RCBTB1: variants seen among roughly 807,000 people sequenced by gnomAD.
The protein encoded by RCBTB1 is RCC1 and BTB domain-containing protein 1.
In RCBTB1, 46 loss-of-function variants were observed where a neutral mutation model predicts 62.4. The ratio of observed to expected loss-of-function variants is 0.74; its 90% CI spans 0.58 to 0.94. RCBTB1 has a LOEUF of 0.94. Among genes scored for constraint, RCBTB1 ranks in the 40% least tolerant of loss-of-function variants. The probability of loss-of-function intolerance (pLI) is 0.00; values close to 1 mark genes in which losing one functional copy is unlikely to be tolerated. For synonymous variants in RCBTB1, 222 were observed against 245.8 expected (o/e 0.90, Z 0.91); for missense variants, 565 against 654.9 (o/e 0.86, Z 1.50).
chr13:49,566,523 A>G (rs1021216172), intron 4 of RCBTB1, 95 bp downstream of exon 4: 1 of 1,201,196 alleles, frequency 8.3e-7, no homozygotes. Flanking sequence ...AAACAATCCA[A>G]AATCAGTTAT....
intron 12 of RCBTB1, among the ~76,000 whole-genome samples, chr13:49,538,465 C>T (rs1279156692): frequency 6.6e-6 from 1 of 152,198 alleles, no homozygotes; most frequent in African/African-American, 2.4e-5. Flanking sequence ...AATCCCAGCA[C>T]TTTGGAAGGC....
chr13:49,549,451 T>G lies in RCBTB1; in HGVS notation c.1045+7A>C. 7 of 1,603,280 alleles carry G rather than the reference T, an allele frequency of 4.4e-6. No individual in the cohort carries two copies. In the South Asian group the frequency reaches 7.8e-5, roughly 18 times the overall value. ...TCCTGGGTGGAGGTGGCCCTGCACT[T>G]TCTTACCCACAGACAGGAGGCGCCA... On this transcript the variant is annotated splice_region_variant and intron_variant, in intron 9 of 12. Transcript: ENST00000378302.
intron 6 of RCBTB1, among the ~76,000 whole-genome samples, chr13:49,554,786 C>T (rs930951328): frequency 2.6e-5 from 4 of 152,192 alleles, no homozygotes; most frequent in Non-Finnish European, 4.4e-5. Context: ...CCCAACACCG[C>T]CATCTGTGGA....
intron 4 of RCBTB1, 25 bp from the exon 5 acceptor site, chr13:49,560,109 A>G: frequency 1.2e-6 from 2 of 1,604,372 alleles, no homozygotes; most frequent in Non-Finnish European, 1.7e-6. Flanking sequence ...CACACAAAAA[A>G]TCAGCTCCAA....
intron 6 of RCBTB1, 93 bp from the exon 7 acceptor site, chr13:49,552,378 C>A: frequency 4.4e-6 from 3 of 684,866 alleles, no homozygotes; most frequent in Admixed American, 2.6e-5. Context: ...AAATCAGATA[C>A]TTCCAACACC....
At chr13:49,580,923 C>A (rs1343707359) in intron 1 of RCBTB1, among the ~76,000 whole-genome samples, 2 of 152,110 alleles carry the variant, frequency 1.3e-5, no homozygotes, top group Non-Finnish European at 2.9e-5. Flanking sequence ...AACAGATGCT[C>A]ACAACAGTGT....
intron 8 of RCBTB1, chr13:49,551,064 T>C (rs923199068): frequency 1.8e-5 from 7 of 388,384 alleles, no homozygotes; most frequent in Admixed American, 8.5e-5. Context: ...GATCGTGCCA[T>C]TGCACTCCAG....
At chr13:49,561,073 G>A (rs925777681) in intron 4 of RCBTB1, among the ~76,000 whole-genome samples, 4 of 152,126 alleles carry the variant, frequency 2.6e-5, no homozygotes, top group East Asian at 1.9e-4. Context: ...AAGTATCATC[G>A]TTTCAGGCAT....
At position 49,551,984 on chromosome 13, in the gene RCBTB1, G is replaced by A. The variant is rs574018878; in HGVS notation, c.711+194C>T. Among the ~76,000 whole-genome samples, 20 of 145,048 alleles carry A rather than the reference G, an allele frequency of 1.4e-4. No homozygotes were observed. The East Asian group carries it at 2.6e-3, about 19-fold the overall frequency. ...TTTTTTTTTTTTTTTTTAACTTGTCGAGCCTGTTTTGCCAACACCATAGTC... is the reference window on the plus strand; with the variant it reads ...TTTTTTTTTTTTTTTTTAACTTGTCAAGCCTGTTTTGCCAACACCATAGTC... On this transcript the variant is annotated intron_variant, in intron 7 of 12. Transcript: ENST00000378302.
At position 49,544,870 on chromosome 13, in the gene RCBTB1, G is replaced by A. The variant is rs1261220088; in HGVS notation, c.1046-7C>T. 2 of 1,602,878 alleles carry A rather than the reference G, an allele frequency of 1.2e-6. No individual in the cohort carries two copies. The highest frequency in any genetic ancestry group is 1.7e-4 in the Middle Eastern group (1 of 6,024). On this transcript the variant is annotated splice_polypyrimidine_tract_variant and splice_region_variant and intron_variant, in intron 9 of 12. Transcript: ENST00000378302. The stretch of plus-strand genomic sequence containing the variant: ...GTTAAAAAGTCTTCATGCTCTGAAG[G>A]CAACAAACATATATTAATATGGCAA...
chr13:49,543,253 GTC>G (rs1478888810), intron 10 of RCBTB1, among the ~76,000 whole-genome samples: 3 of 151,376 alleles, frequency 2.0e-5, no homozygotes, highest in East Asian at 1.9e-4. Context: ...GACAGAATGA[GTC>G]TCTGTCTCAA....
intron 2 of RCBTB1, among the ~76,000 whole-genome samples, chr13:49,576,206 A>AAAG (rs1963775084): frequency 7.0e-6 from 1 of 142,180 alleles, no homozygotes; most frequent in African/African-American, 2.5e-5. Context: ...AAAAAAAAAA[A>AAAG]GTTGAGATGA....
chr13:49,566,236 G>T, intron 4 of RCBTB1, among the ~76,000 whole-genome samples: 1 of 149,868 alleles, frequency 6.7e-6, no homozygotes, highest in South Asian at 2.1e-4. Context: ...CCCTATGCGA[G>T]AAACACCCAA....
intron 10 of RCBTB1, 93 bp downstream of exon 10, chr13:49,544,644 C>T (rs1472625992): frequency 2.9e-6 from 3 of 1,038,932 alleles, no homozygotes; most frequent in Non-Finnish European, 4.2e-6. Context: ...TTTCTCTCTA[C>T]TACCAAGGCT....
rs200806564 is a variant in RCBTB1 at position 49,562,473 on chromosome 13, T to C, written c.278-2389A>G. Among the ~76,000 whole-genome samples, 43 of 141,650 alleles carry C rather than the reference T, an allele frequency of 3.0e-4. 1 individual carries two copies. In the East Asian group the frequency reaches 3.1e-3, roughly 10 times the overall value. 92.9% of individuals were successfully genotyped at this position (141,650 alleles called of 152,430 possible). On this transcript the variant is annotated intron_variant, in intron 4 of 12. Transcript: ENST00000378302. ...ACAGTGAGGCTGCAGTGAGCCAAGA[T>C]TGCACCACTGCACTCTAGCCTGGAC... is the stretch of plus-strand genomic sequence containing the variant.
At chr13:49,576,749 G>A (rs56289138) in intron 2 of RCBTB1, among the ~76,000 whole-genome samples, 34,013 of 151,864 alleles carry the variant, frequency 0.22, 4,699 homozygotes, top group East Asian at 0.55. Flanking sequence ...AGCCTTCCAT[G>A]TTTTATTTAG....
At chr13:49,537,422 C>T (rs1960022536) in intron 12 of RCBTB1, among the ~76,000 whole-genome samples, 1 of 152,146 alleles carries the variant, frequency 6.6e-6, no homozygotes, top group African/African-American at 2.4e-5. Flanking sequence ...TTTCATTTGG[C>T]CCACCAAAAG....
chr13:49,551,188 G>T, intron 8 of RCBTB1, 138 bp downstream of exon 8: 1 of 949,312 alleles, frequency 1.1e-6, no homozygotes. Flanking sequence ...GAAGGGAGAA[G>T]GGAAGGTTAT....
chr13:49,537,126 G>A (rs992508460), intron 12 of RCBTB1, among the ~76,000 whole-genome samples: 1 of 152,158 alleles, frequency 6.6e-6, no homozygotes, highest in African/African-American at 2.4e-5. Flanking sequence ...TAACCAGGGT[G>A]AGCAGGTGCC....
Sources: allele counts gnomAD v4.1 joint callset (sites outside exome capture counted in the v4.1 genomes callset), GRCh38; gene constraint gnomAD v4.1.1; transcripts MANE v1.5; gene names NCBI Gene and HGNC (gene_info 2026-07-23, HGNC 2026-07-21).